Variants in DHX34 observed in about 807,000 individuals in gnomAD.
DHX34 encodes probable ATP-dependent RNA helicase DHX34.
A neutral mutation model predicts 111.1 loss-of-function variants in DHX34; 96 were observed. That is an observed-to-expected ratio of 0.86 (90% CI 0.73 to 1.02). The LOEUF is 1.02. Among genes scored for constraint, DHX34 ranks in the 50% least tolerant of loss-of-function variants. The pLI is 0.00. For synonymous variants in DHX34, 688 were observed against 670.4 expected (o/e 1.03, Z -0.41); for missense variants, 1,560 against 1,579.9 (o/e 0.99, Z 0.21).
chr19:47,360,044 A>G lies in DHX34; in HGVS notation c.1349A>G (p.Asp450Gly). The stretch of plus-strand genomic sequence containing the variant: ...ATTGCTGAGACCTCAGTCACCATTG[A>G]CGGGATCCGCTTCGTAGTAGATTCC... ...TNIAETSVTI[D>G]GIRFVVDSGK... Residue 450 changes from aspartate (D) to glycine (G), a missense_variant, in exon 5 of 17, where the codon GAC becomes GGC. Coordinates refer to ENST00000328771, the MANE Select transcript of DHX34 (RefSeq NM_014681.6). 1.9e-6 allele frequency: 3 copies of G among 1,613,814 alleles called. No individual in the cohort carries two copies. In the South Asian group the frequency reaches 3.3e-5, roughly 18 times the overall value.
At position 47,352,824 on chromosome 19, in the gene DHX34, C is replaced by G; in HGVS notation, c.-207C>G. On this transcript the variant is annotated 5_prime_UTR_variant, in exon 2 of 17. Coordinates refer to ENST00000328771, the MANE Select transcript of DHX34 (RefSeq NM_014681.6). ...GATCACTGCAGATGTCATGAGGTAC[C>G]CTTTGTGTCACCAGCTCAAGCAGGC... is the stretch of plus-strand genomic sequence containing the variant. 9.9e-7 allele frequency: 1 copy of G among 1,005,694 alleles called. No homozygotes were observed. The highest frequency in any genetic ancestry group is 1.4e-6 in the Non-Finnish European group (1 of 713,292). 62.3% of individuals were successfully genotyped at this position (1,005,694 alleles called of 1,614,324 possible).
At chr19:47,374,082 C>T (rs1271997703) in intron 9 of DHX34, among the ~76,000 whole-genome samples, 3 of 152,086 alleles carry the variant, frequency 2.0e-5, no homozygotes, top group Non-Finnish European at 4.4e-5. Flanking sequence ...ACAGCGTGGC[C>T]CCGGGTGTGT....
rs183935794 is a variant in DHX34, at chr19:47,381,544, G to A, written c.3298+220G>A. The A allele has an allele frequency of 5.9e-5, 38 of 645,220 alleles. 1 individual carries two copies. Among genetic ancestry groups the A allele is most frequent in the African/African-American group, 5.8e-4 (32 of 54,824 alleles). The allele number at this position is 645,220 out of a possible 1,614,324, so 40.0% of individuals were successfully genotyped here. ...CTCTTTCTGTCTGCCTGTCCCCTGTGGTGTCTCTGTGTTGCTGTCTTTGTC... is the reference window on the plus strand; with the variant it reads ...CTCTTTCTGTCTGCCTGTCCCCTGTAGTGTCTCTGTGTTGCTGTCTTTGTC... On this transcript the variant is annotated intron_variant, in intron 16 of 16. Transcript: ENST00000328771.
At chr19:47,381,483 T>C in intron 16 of DHX34, 159 bp downstream of exon 16, 1 of 1,108,710 alleles carries the variant, frequency 9.0e-7, no homozygotes, top group Non-Finnish European at 1.2e-6. Flanking sequence ...GTCCTGAAGA[T>C]CAGGAGCCCA....
Position 47,373,591 on chromosome 19 carries a change from CCACCCA to C in DHX34, c.1963-7_1963-2del. The C allele has an allele frequency of 6.2e-7, 1 of 1,612,712 alleles. No homozygotes were observed. Among genetic ancestry groups the C allele is most frequent in the Non-Finnish European group, 8.5e-7 (1 of 1,179,526 alleles). On this transcript the variant is annotated splice_acceptor_variant and splice_polypyrimidine_tract_variant and intron_variant, in intron 8 of 16. Coordinates refer to ENST00000328771, the MANE Select transcript of DHX34 (RefSeq NM_014681.6). LOFTEE classifies it high-confidence loss of function. ...CCCTGACACCCTGGCGTCTGCTCCT[CCACCCA>C]GGTGAAATCTGAACGGAGCAGAAAC... is the stretch of plus-strand genomic sequence containing the variant.
chr19:47,381,721 C>T (rs1029692620), intron 16 of DHX34: 18 of 861,906 alleles, frequency 2.1e-5, no homozygotes, highest in Non-Finnish European at 2.4e-5. Flanking sequence ...ATGCCTCCAT[C>T]CCCGGCTGGC....
intron 6 of DHX34, among the ~76,000 whole-genome samples, chr19:47,364,496 C>T (rs533186109): frequency 1.3e-5 from 2 of 152,100 alleles, no homozygotes; most frequent in East Asian, 3.9e-4. Context: ...TATCCCAGCA[C>T]TTTGGGAGGC....
Position 47,362,592 on chromosome 19 carries a change from G to A in DHX34, c.1492G>A (p.Gly498Arg), listed in dbSNP as rs770695909. The change falls in exon 6 of 17, where the codon GGA becomes AGA. Residue 498 changes from glycine (G) to arginine (R), a missense_variant. By Grantham distance (125) the Gly-to-Arg change is moderately radical. Transcript: ENST00000328771. ...RKGRAGRTGPGVCFRLYAESD... is the reference protein window; with the variant it reads ...RKGRAGRTGPRVCFRLYAESD... The stretch of plus-strand genomic sequence containing the variant: ...GGGCCGGGCGGGCCGCACGGGCCCC[G>A]GAGTCTGCTTCCGCCTCTATGCCGA... 28 of 1,613,716 alleles carry A rather than the reference G, an allele frequency of 1.7e-5. No homozygotes were observed. The highest frequency in any genetic ancestry group is 1.0e-4 in the Admixed American group (6 of 59,964).
intron 1 of DHX34, among the ~76,000 whole-genome samples, chr19:47,351,628 G>C (rs10853787): frequency 0.095 from 14,450 of 152,158 alleles, 931 homozygotes; most frequent in African/African-American, 0.18. Context: ...CTACCACAAA[G>C]AGCTCCAGGC....
At position 47,381,006 on chromosome 19, in the gene DHX34, C is replaced by G. The variant is rs751918472; in HGVS notation, c.3159+14C>G. ...AACTGCCTCACGGTAAGCATGAACC[C>G]TCCTTCCCTGAAGGTGGGATTTCAG... On this transcript the variant is annotated intron_variant, in intron 15 of 16. Coordinates refer to ENST00000328771, the MANE Select transcript of DHX34 (RefSeq NM_014681.6). The G allele has an allele frequency of 3.9e-6, 6 of 1,552,338 alleles. No individual in the cohort carries two copies. In the Admixed American group the frequency reaches 9.8e-5, roughly 25 times the overall value.
rs114090658 is a variant in DHX34, at chr19:47,364,886, C to G, written c.1594-2095C>G. On this transcript the variant is annotated intron_variant, in intron 6 of 16. Coordinates refer to ENST00000328771, the MANE Select transcript of DHX34 (RefSeq NM_014681.6). Reference sequence around the variant, plus strand: ...CATCCGAGGCCACCAGGCGTCAGAGCCTGCTTCGTGAGTGGCCGCTGGCTC... The same window carrying G: ...CATCCGAGGCCACCAGGCGTCAGAGGCTGCTTCGTGAGTGGCCGCTGGCTC... 3.2e-3 allele frequency among the ~76,000 whole-genome samples: 491 copies of G among 152,274 alleles called. 3 individuals carry two copies. Among genetic ancestry groups the G allele is most frequent in the African/African-American group, 0.011 (467 of 41,560 alleles).
chr19:47,355,743 T>G (rs1000847165), intron 3 of DHX34, among the ~76,000 whole-genome samples: 3 of 151,872 alleles, frequency 2.0e-5, no homozygotes, highest in Non-Finnish European at 4.4e-5. Context: ...TCCCAGCTAC[T>G]CGGGAGGCTG....
At chr19:47,377,709 C>T (rs990452673) in intron 13 of DHX34, among the ~76,000 whole-genome samples, 7 of 151,602 alleles carry the variant, frequency 4.6e-5, no homozygotes, top group Non-Finnish European at 8.8e-5. Context: ...CAAGGGAGAG[C>T]GTGTGGAGAT....
In DHX34 at chr19:47,382,000, G is replaced by A. The variant is rs1396751196; in HGVS notation, c.3319G>A (p.Glu1107Lys). ...CTTAGGGGCTGAGGAAGCTGCCCTC[G>A]AAACCCTCCAGAAGACATCTGTCCT... ...GPPGAEEAAL[E>K]TLQKTSVLQR... The change falls in exon 17 of 17, where the codon GAA (glutamate) becomes AAA (lysine). Residue 1107 changes from glutamate (E) to lysine (K), a missense_variant. Transcript: ENST00000328771. The A allele has an allele frequency of 8.7e-6, 14 of 1,613,870 alleles. No individual in the cohort carries two copies. Among genetic ancestry groups the A allele is most frequent in the African/African-American group, 1.3e-5 (1 of 74,892 alleles).
intron 7 of DHX34, 181 bp from the exon 8 acceptor site, chr19:47,372,549 A>G (rs943870897): frequency 2.1e-6 from 2 of 965,980 alleles, no homozygotes; most frequent in Non-Finnish European, 2.5e-6. Context: ...GCCCATGGCC[A>G]CGTGACCAGA....
chr19:47,358,031 C>T lies in DHX34; in HGVS notation c.1183C>T (p.Leu395=). Residue 395 remains leucine (L), a synonymous_variant, in exon 4 of 17, where the codon CTG becomes TTG. Coordinates refer to ENST00000328771, the MANE Select transcript of DHX34 (RefSeq NM_014681.6). ...LSGMAEISAV[L]EAAQTYASHT... is the part of the protein sequence containing the mutation. ...CGGCATGGCGGAGATCAGCGCCGTG[C>T]TGGAGGCTGCCCAGACCTATGCCAG... The T allele has an allele frequency of 1.2e-6, 2 of 1,613,418 alleles. No homozygotes were observed. Among genetic ancestry groups the T allele is most frequent in the Non-Finnish European group, 1.7e-6 (2 of 1,180,030 alleles).
chr19:47,377,500 A>T (rs1444342231), intron 13 of DHX34, among the ~76,000 whole-genome samples: 1 of 127,408 alleles, frequency 7.8e-6, no homozygotes, highest in East Asian at 2.3e-4. Flanking sequence ...GGCAGGGGAC[A>T]GTGACAGCAG....
chr19:47,377,408 G>T (rs984570365), intron 13 of DHX34, among the ~76,000 whole-genome samples: 2 of 152,204 alleles, frequency 1.3e-5, no homozygotes, highest in African/African-American at 4.8e-5. Context: ...GTGCCTGCTG[G>T]GTGCCAGGCG....
chr19:47,355,627 T>C (rs1279189868), intron 3 of DHX34, among the ~76,000 whole-genome samples: 1 of 152,010 alleles, frequency 6.6e-6, no homozygotes, highest in African/African-American at 2.4e-5. Context: ...GGTGGGTGGA[T>C]CACGAGGTCA....
Sources: allele counts gnomAD v4.1 joint callset (sites outside exome capture counted in the v4.1 genomes callset), GRCh38; gene constraint gnomAD v4.1.1; transcripts MANE v1.5; gene names NCBI Gene and HGNC (gene_info 2026-07-23, HGNC 2026-07-21).